The following SCFD2 variants were observed in gnomAD, a reference collection of about 807,000 sequenced individuals.
The protein encoded by SCFD2 is sec1 family domain containing 2.
Under a neutral mutation model 58.9 loss-of-function variants are expected in SCFD2, and 54 were observed. The observed-to-expected ratio is 0.92, with a 90% CI of 0.74 to 1.15. SCFD2 has a LOEUF of 1.15. Among genes scored for constraint, SCFD2 ranks in the 50% most tolerant of loss-of-function variants. The pLI is 0.00. For missense variants in SCFD2, 805 were observed against 836.6 expected (o/e 0.96, Z 0.47); for synonymous variants, 321 against 335.9 (o/e 0.96, Z 0.49).
chr4:53,203,291 G>A (rs974929659), intron 4 of SCFD2, among the ~76,000 whole-genome samples: 21 of 152,152 alleles, frequency 1.4e-4, no homozygotes, highest in African/African-American at 4.3e-4. Flanking sequence ...TAATCATGTG[G>A]TTTTTGTCTT....
intron 5 of SCFD2, among the ~76,000 whole-genome samples, chr4:53,140,392 A>AAAATATATATATATAT (rs369140110): frequency 0.1 from 10,058 of 97,270 alleles, 1,337 homozygotes; most frequent in Middle Eastern, 0.23. Context: ...CAAAAATGCT[A>AAAATATATATATATAT]ATATATATAT....
intron 3 of SCFD2, among the ~76,000 whole-genome samples, chr4:53,312,070 G>C (rs574028677): frequency 6.6e-6 from 1 of 152,112 alleles, no homozygotes; most frequent in Non-Finnish European, 1.5e-5. Context: ...TGGAGGGACA[G>C]AAGGAAGGAA....
chr4:53,090,724 A>G (rs1724444015), intron 5 of SCFD2, among the ~76,000 whole-genome samples: 1 of 152,162 alleles, frequency 6.6e-6, no homozygotes, highest in South Asian at 2.1e-4. Flanking sequence ...GCTAAACAAA[A>G]CAGACTAGAT....
chr4:52,914,777 T>C (rs1416547985), intron 6 of SCFD2, among the ~76,000 whole-genome samples: 2 of 152,162 alleles, frequency 1.3e-5, no homozygotes, highest in Non-Finnish European at 2.9e-5. Context: ...AGTGCAATTG[T>C]ACCATATGCT....
intron 5 of SCFD2, among the ~76,000 whole-genome samples, chr4:53,115,178 G>C (rs1029087047): frequency 6.6e-6 from 1 of 152,016 alleles, no homozygotes; most frequent in African/African-American, 2.4e-5. Flanking sequence ...ACACACAAAA[G>C]ACAGAGATTA....
At chr4:53,196,868 C>T (rs1233375942) in intron 4 of SCFD2, among the ~76,000 whole-genome samples, 2 of 151,748 alleles carry the variant, frequency 1.3e-5, no homozygotes, top group Admixed American at 6.6e-5. Flanking sequence ...TATTTAGAGA[C>T]AGCTAGATTT....
At chr4:53,069,869 G>A (rs754173165) in intron 5 of SCFD2, among the ~76,000 whole-genome samples, 6 of 152,092 alleles carry the variant, frequency 3.9e-5, no homozygotes, top group South Asian at 2.1e-4. Context: ...TTCTGGCTTT[G>A]TAACCTTCCT....
At chr4:53,211,496 C>G (rs1372690143) in intron 4 of SCFD2, among the ~76,000 whole-genome samples, 1 of 152,102 alleles carries the variant, frequency 6.6e-6, no homozygotes, top group African/African-American at 2.4e-5. Flanking sequence ...GTCATGGGAA[C>G]CCCAACTTGA....
intron 5 of SCFD2, among the ~76,000 whole-genome samples, chr4:53,137,687 G>A (rs1350333009): frequency 6.6e-6 from 1 of 152,134 alleles, no homozygotes; most frequent in Non-Finnish European, 1.5e-5. Flanking sequence ...TGTTGACCTG[G>A]ACTTTAAAGA....
intron 4 of SCFD2, among the ~76,000 whole-genome samples, chr4:53,151,572 G>A (rs1726506813): frequency 6.6e-6 from 1 of 152,220 alleles, no homozygotes; most frequent in Admixed American, 6.5e-5. Flanking sequence ...GAGCAAACAG[G>A]CTTTATTCCA....
chr4:52,973,874 C>A (rs530562723), intron 5 of SCFD2, among the ~76,000 whole-genome samples: 1 of 152,300 alleles, frequency 6.6e-6, no homozygotes, highest in Non-Finnish European at 1.5e-5. Context: ...ATAGGCAAAT[C>A]AATAAATGTA....
intron 5 of SCFD2, among the ~76,000 whole-genome samples, chr4:52,936,566 C>A (rs998903398): frequency 5.3e-5 from 8 of 152,092 alleles, no homozygotes; most frequent in Non-Finnish European, 1.2e-4. Context: ...TCCTGAGCAC[C>A]CATCAAGTCT....
At chr4:52,948,666 T>C (rs558590000) in intron 5 of SCFD2, 1 of 404,084 alleles carries the variant, frequency 2.5e-6, no homozygotes, top group South Asian at 1.8e-5. Context: ...CTTATATATA[T>C]GATTTGTTAA....
At chr4:53,326,351 T>C (rs1345994164) in intron 2 of SCFD2, among the ~76,000 whole-genome samples, 1 of 152,080 alleles carries the variant, frequency 6.6e-6, no homozygotes, top group African/African-American at 2.4e-5. Flanking sequence ...CCGTGTTGCC[T>C]AGCCTGGTCT....
intron 5 of SCFD2, among the ~76,000 whole-genome samples, chr4:52,979,674 C>T (rs1286751448): frequency 2.6e-5 from 4 of 152,104 alleles, no homozygotes; most frequent in African/African-American, 9.7e-5. Context: ...CAATTATTTA[C>T]ACTCATAAAA....
intron 4 of SCFD2, among the ~76,000 whole-genome samples, chr4:53,193,541 T>A (rs1405781463): frequency 2.0e-5 from 3 of 152,158 alleles, no homozygotes. Context: ...TATTCAGTCA[T>A]CAAAAAACCT....
At chr4:52,879,873 C>A (rs1490679749) in intron 8 of SCFD2, among the ~76,000 whole-genome samples, 2 of 152,356 alleles carry the variant, frequency 1.3e-5, no homozygotes, top group South Asian at 2.1e-4. Context: ...GTACATTTTT[C>A]TCTCTCCTTT....
intron 4 of SCFD2, among the ~76,000 whole-genome samples, chr4:53,248,170 C>A (rs1730178450): frequency 6.6e-6 from 1 of 152,156 alleles, no homozygotes. Flanking sequence ...ACAGACGGCA[C>A]CTTGAAAATC....
intron 1 of SCFD2, among the ~76,000 whole-genome samples, chr4:53,353,448 G>A (rs941092433): frequency 2.2e-4 from 34 of 152,294 alleles, no homozygotes; most frequent in Admixed American, 2.1e-3. Context: ...AGTGTGGTAA[G>A]GGACCCAACC....
Sources: gnomAD v4.1 joint callset for allele counts (sites outside exome capture counted in the v4.1 genomes callset) on GRCh38, gnomAD v4.1.1 for gene constraint, MANE v1.5 for transcripts, NCBI Gene and HGNC (gene_info 2026-07-23, HGNC 2026-07-21) for gene names.